The following SEL1L3 variants were observed in gnomAD, a reference collection of about 807,000 sequenced individuals.
SEL1L3 encodes protein sel-1 homolog 3.
A neutral mutation model predicts 142.8 loss-of-function variants in SEL1L3; 76 were observed. The observed-to-expected ratio is 0.53, with a 90% CI of 0.44 to 0.64. The LOEUF is 0.64. Ranked by LOEUF, SEL1L3 falls within the 30% of genes least tolerant of loss-of-function variation. The pLI is 0.00. For synonymous variants in SEL1L3, 504 were observed against 519.6 expected, an observed-to-expected ratio of 0.97 and a Z score of 0.41; for missense variants, 1,262 against 1,381.7, an observed-to-expected ratio of 0.91 and a Z score of 1.37.
intron 16 of SEL1L3, chr4:25,777,686 G>T: frequency 5.2e-6 from 2 of 384,450 alleles, no homozygotes; most frequent in Non-Finnish European, 1.0e-5. Context: ...TTAACAAGAG[G>T]ATAACAGAAA....
downstream of SEL1L3, among the ~76,000 whole-genome samples, chr4:25,742,891 G>A (rs1209496550): frequency 6.6e-6 from 1 of 152,110 alleles, no homozygotes; most frequent in Non-Finnish European, 1.5e-5. Context: ...CGCTTCCCCA[G>A]CTCCCAAAAG....
intron 15 of SEL1L3, among the ~76,000 whole-genome samples, chr4:25,780,937 T>C (rs1468802109): frequency 6.6e-6 from 1 of 151,540 alleles, no homozygotes; most frequent in East Asian, 1.9e-4. Flanking sequence ...GTGATTCTCC[T>C]GCCTCAGCCT....
intron 2 of SEL1L3, among the ~76,000 whole-genome samples, chr4:25,841,400 A>G (rs945179644): frequency 1.3e-5 from 2 of 152,346 alleles, no homozygotes; most frequent in South Asian, 4.1e-4. Flanking sequence ...ACCTCCTCTG[A>G]AGAAGCCACA....
intron 6 of SEL1L3, among the ~76,000 whole-genome samples, chr4:25,824,762 T>G (rs965563739): frequency 6.6e-6 from 1 of 152,254 alleles, no homozygotes; most frequent in Non-Finnish European, 1.5e-5. Context: ...TCATACCATT[T>G]ACTTACATAT....
intron 6 of SEL1L3, among the ~76,000 whole-genome samples, chr4:25,829,365 A>G (rs1277132100): frequency 6.6e-6 from 1 of 152,266 alleles, no homozygotes; most frequent in Non-Finnish European, 1.5e-5. Context: ...AGGTATCATT[A>G]GTACAAAATG....
chr4:25,756,468 G>A lies in SEL1L3; in HGVS notation c.3259+1066C>T, dbSNP rs942946385. The stretch of plus-strand genomic sequence containing the variant: ...TTAACTACAGCCGTCATTTTGGTAA[G>A]TATCTTACGTGCATTTTTTTTCACT... On this transcript the variant is annotated intron_variant, in intron 23 of 23. Transcript: ENST00000399878. 1.9e-5 allele frequency: 19 copies of A among 985,038 alleles called. No individual in the cohort carries two copies. The African/African-American group carries it at 3.3e-4, about 17-fold the overall frequency. 61.0% of individuals were successfully genotyped at this position (985,038 alleles called of 1,614,324 possible).
At chr4:25,798,890 G>T (rs1489933641) in intron 11 of SEL1L3, among the ~76,000 whole-genome samples, 2 of 152,152 alleles carry the variant, frequency 1.3e-5, no homozygotes, top group Non-Finnish European at 2.9e-5. Context: ...TGCTAGGGCT[G>T]CCATAACAAA....
chr4:25,857,516 A>G (rs756461982), intron 1 of SEL1L3, among the ~76,000 whole-genome samples: 3 of 152,182 alleles, frequency 2.0e-5, no homozygotes, highest in African/African-American at 4.8e-5. Flanking sequence ...CACCTCTCAC[A>G]TGGGACCTCA....
In SEL1L3 at chr4:25,847,870, A is replaced by G; in HGVS notation, c.163-6T>C. ...CCCAAAGATGGTACAACATTCTGAA[A>G]AAAAGAAAAAGAAAGTAAGAAATAC... On this transcript the variant is annotated splice_region_variant and splice_polypyrimidine_tract_variant and intron_variant, in intron 1 of 23. Coordinates refer to ENST00000399878, the MANE Select transcript of SEL1L3 (RefSeq NM_015187.5). 6.7e-7 allele frequency: 1 copy of G among 1,489,452 alleles called. No individual in the cohort carries two copies. Among genetic ancestry groups the G allele is most frequent in the Non-Finnish European group, 9.0e-7 (1 of 1,110,866 alleles). The allele number at this position is 1,489,452 out of a possible 1,614,324, so 92.3% of individuals were successfully genotyped here.
Position 25,817,972 on chromosome 4 carries a change from C to T in SEL1L3, c.1564+166G>A, listed in dbSNP as rs556104303. Among the ~76,000 whole-genome samples, 30 of 152,222 alleles carry T rather than the reference C, an allele frequency of 2.0e-4. 1 individual carries two copies. The highest frequency in any genetic ancestry group is 1.2e-3 in the South Asian group (6 of 4,820). On this transcript the variant is annotated intron_variant, in intron 9 of 23. Transcript: ENST00000399878. ...GTGTTGGAAGTGTGCACAGATATAT[C>T]GAGAGTTGTGGACATACAAAGGCAG...
chr4:25,830,327 T>C (rs910861828), intron 5 of SEL1L3, among the ~76,000 whole-genome samples, 171 bp from the exon 6 acceptor site: 1 of 152,246 alleles, frequency 6.6e-6, no homozygotes, highest in African/African-American at 2.4e-5. Flanking sequence ...TAAGATTTCA[T>C]ACATTTAACT....
chr4:25,799,811 G>A lies in SEL1L3; in HGVS notation c.1956+2472C>T, dbSNP rs564017361. Among the ~76,000 whole-genome samples, 5 of 152,298 alleles carry A rather than the reference G, an allele frequency of 3.3e-5. No homozygotes were observed. In the South Asian group the frequency reaches 1.0e-3, roughly 32 times the overall value. On this transcript the variant is annotated intron_variant, in intron 11 of 23. Transcript: ENST00000399878. Reference sequence around the variant, plus strand: ...AATGACGGCAGATGGGGATTTGTAAGAAAACAGTCAGAGATTAAGGTCTGA... The same window carrying A: ...AATGACGGCAGATGGGGATTTGTAAAAAAACAGTCAGAGATTAAGGTCTGA...
chr4:25,862,536 GC>G (rs1056275050), intron 1 of SEL1L3, 138 bp downstream of exon 1: 1 of 415,600 alleles, frequency 2.4e-6, no homozygotes, highest in African/African-American at 2.1e-5. Context: ...TGCCGGGAAC[GC>G]CCGGGGCGCA....
At chr4:25,748,883 G>A (rs1249570447) in intron 23 of SEL1L3, among the ~76,000 whole-genome samples, 1 of 152,060 alleles carries the variant, frequency 6.6e-6, no homozygotes, top group African/African-American at 2.4e-5. Flanking sequence ...GGAATTCTTC[G>A]GGCCCCTTCC....
intron 23 of SEL1L3, among the ~76,000 whole-genome samples, chr4:25,750,297 T>C (rs1307194395): frequency 2.0e-5 from 3 of 151,068 alleles, no homozygotes; most frequent in African/African-American, 7.3e-5. Context: ...GCTTTTCAGC[T>C]ACCGGCTGAG....
the SEL1L3 span, among the ~76,000 whole-genome samples, chr4:25,714,263 G>A: frequency 2.0e-5 from 3 of 152,072 alleles, no homozygotes; most frequent in Non-Finnish European, 1.5e-5. Context: ...AGTACCTTGC[G>A]AAGATGATCA....
At chr4:25,729,652 T>C in the SEL1L3 span, among the ~76,000 whole-genome samples, 3 of 152,198 alleles carry the variant, frequency 2.0e-5, no homozygotes, top group South Asian at 2.1e-4. Context: ...AGGTGGAGTC[T>C]GCAGTGAGCC....
chr4:25,810,063 G>A (rs1324487929), intron 9 of SEL1L3, among the ~76,000 whole-genome samples: 2 of 152,216 alleles, frequency 1.3e-5, no homozygotes, highest in Admixed American at 1.3e-4. Context: ...TCCTGAAAGG[G>A]GCGCAGATGG....
At position 25,851,680 on chromosome 4, in the gene SEL1L3, A is replaced by G. The variant is rs552978612; in HGVS notation, c.163-3816T>C. Among the ~76,000 whole-genome samples, 6 of 151,998 alleles carry G rather than the reference A, an allele frequency of 3.9e-5. No individual in the cohort carries two copies. The South Asian group carries it at 1.2e-3, about 32-fold the overall frequency. Reference sequence around the variant, plus strand: ...CTGAGGTGGGCGGTTCACGAAGTCAAGAGATCGAGACCATCCTGGCCAGCA... The same window carrying G: ...CTGAGGTGGGCGGTTCACGAAGTCAGGAGATCGAGACCATCCTGGCCAGCA... On this transcript the variant is annotated intron_variant, in intron 1 of 23. Transcript: ENST00000399878.
Sources: gnomAD v4.1 joint callset for allele counts (sites outside exome capture counted in the v4.1 genomes callset) on GRCh38, gnomAD v4.1.1 for gene constraint, MANE v1.5 for transcripts, NCBI Gene and HGNC (gene_info 2026-07-23, HGNC 2026-07-21) for gene names.